Variants in CCDC91 observed in about 807,000 individuals in gnomAD.
The protein encoded by CCDC91 is coiled-coil domain-containing protein 91.
In CCDC91, 48 loss-of-function variants were observed where a neutral mutation model predicts 63.2. The ratio of observed to expected loss-of-function variants is 0.76; its 90% CI spans 0.60 to 0.97. CCDC91 has a LOEUF of 0.97. Among genes scored for constraint, CCDC91 ranks in the 50% least tolerant of loss-of-function variants. The pLI is 0.00. For missense variants in CCDC91, 500 were observed against 494.6 expected, an observed-to-expected ratio of 1.01 and a Z score of -0.10; for synonymous variants, 167 against 165.8, an observed-to-expected ratio of 1.01 and a Z score of -0.06.
intron 12 of CCDC91, among the ~76,000 whole-genome samples, chr12:28,492,858 T>C (rs1022746195): frequency 5.9e-5 from 9 of 151,642 alleles, no homozygotes; most frequent in Non-Finnish European, 1.2e-4. Context: ...ATTAAAGATA[T>C]AACCTTGAAA....
intron 11 of CCDC91, among the ~76,000 whole-genome samples, chr12:28,459,695 G>T (rs1356281226): frequency 3.3e-5 from 5 of 152,078 alleles, no homozygotes; most frequent in African/African-American, 1.2e-4. Flanking sequence ...TACTTTGAAC[G>T]ACTAGTATAT....
At chr12:28,412,850 T>C (rs1294267595) in intron 8 of CCDC91, 6 of 446,664 alleles carry the variant, frequency 1.3e-5, no homozygotes, top group Admixed American at 2.4e-5. Context: ...TTTACAATCC[T>C]CTTGTAAGAC....
chr12:28,233,297 T>C (rs567266285), intron 1 of CCDC91, among the ~76,000 whole-genome samples: 2 of 152,280 alleles, frequency 1.3e-5, no homozygotes, highest in South Asian at 2.1e-4. Context: ...CTGTTACATA[T>C]ATTAGTTTTG....
chr12:28,452,321 T>C (rs1206068975), intron 10 of CCDC91, among the ~76,000 whole-genome samples, 157 bp from the exon 11 acceptor site: 2 of 151,708 alleles, frequency 1.3e-5, no homozygotes, highest in African/African-American at 4.8e-5. Context: ...TAATAGATTT[T>C]ATTTTGTAGC....
At chr12:28,252,578 T>A (rs1214499860) in intron 1 of CCDC91, among the ~76,000 whole-genome samples, 1 of 152,086 alleles carries the variant, frequency 6.6e-6, no homozygotes, top group Non-Finnish European at 1.5e-5. Flanking sequence ...TGTTGTTTAC[T>A]CCTTTCTTGA....
At chr12:28,309,125 G>C (rs183413557) in intron 6 of CCDC91, among the ~76,000 whole-genome samples, 2 of 152,140 alleles carry the variant, frequency 1.3e-5, no homozygotes, top group Non-Finnish European at 2.9e-5. Context: ...TGCCTGGAAT[G>C]CTGTTCCTCC....
chr12:28,208,001 C>A (rs1280874209), intron 1 of CCDC91, among the ~76,000 whole-genome samples: 7 of 152,098 alleles, frequency 4.6e-5, no homozygotes, highest in Admixed American at 2.0e-4. Flanking sequence ...CAAAGTATTT[C>A]CTTGGTATTT....
At chr12:28,494,378 AC>A (rs1415653195) in intron 12 of CCDC91, among the ~76,000 whole-genome samples, 1 of 151,716 alleles carries the variant, frequency 6.6e-6, no homozygotes, top group Non-Finnish European at 1.5e-5. Context: ...AAAGAGTTCC[AC>A]CTAGCAATGT....
chr12:28,270,116 C>A (rs1405097785), intron 3 of CCDC91, among the ~76,000 whole-genome samples: 1 of 151,458 alleles, frequency 6.6e-6, no homozygotes, highest in Non-Finnish European at 1.5e-5. Context: ...GGAAAATCTT[C>A]TAGATTTGTT....
chr12:28,445,275 G>T (rs1949438793), intron 8 of CCDC91, among the ~76,000 whole-genome samples: 1 of 152,036 alleles, frequency 6.6e-6, no homozygotes, highest in Admixed American at 6.5e-5. Flanking sequence ...GCTGGATTTG[G>T]TGAATTAAAA....
At chr12:28,258,096 A>C (rs1946567275) in intron 2 of CCDC91, among the ~76,000 whole-genome samples, 1 of 151,968 alleles carries the variant, frequency 6.6e-6, no homozygotes, top group Non-Finnish European at 1.5e-5. Flanking sequence ...TTTTGTTAGG[A>C]TCTTCTTCTC....
chr12:28,500,061 A>C (rs993863042), intron 12 of CCDC91, among the ~76,000 whole-genome samples: 1 of 152,056 alleles, frequency 6.6e-6, no homozygotes, highest in Non-Finnish European at 1.5e-5. Flanking sequence ...ATGGTATCTC[A>C]TTGTGGTTTT....
Position 28,484,131 on chromosome 12 carries a change from A to T in CCDC91, c.1181A>T (p.Asp394Val), listed in dbSNP as rs764100361. 2.3e-5 allele frequency: 37 copies of T among 1,609,746 alleles called. No individual in the cohort carries two copies. The highest frequency in any genetic ancestry group is 1.0e-4 in the Admixed American group (6 of 59,648). ...AVEEAVKRTRDELIEYIKEQK... is the reference protein window; with the variant it reads ...AVEEAVKRTRVELIEYIKEQK... ...GAAGAGGCAGTGAAAAGAACAAGAG[A>T]TGAATTGATAGAGTATATAAAAGAA... Residue 394 changes from aspartate (D) to valine (V), a missense_variant, in exon 12 of 13, where the codon GAT becomes GTT. By Grantham distance (152) the Asp-to-Val change is radical. Coordinates refer to ENST00000536442, the MANE Select transcript of CCDC91 (RefSeq NM_018318.5).
chr12:28,426,348 ATGTT>A (rs1948315997), intron 8 of CCDC91, among the ~76,000 whole-genome samples: 1 of 152,092 alleles, frequency 6.6e-6, no homozygotes, highest in African/African-American at 2.4e-5. Context: ...CTGTGGTTCA[ATGTT>A]TGTCATTAAT....
intron 6 of CCDC91, among the ~76,000 whole-genome samples, chr12:28,332,665 C>G (rs1941606142): frequency 6.6e-6 from 1 of 152,160 alleles, no homozygotes; most frequent in African/African-American, 2.4e-5. Context: ...GTTTAATGCT[C>G]TGCTCATCCC....
chr12:28,197,760 A>G (rs1415451433), intron 1 of CCDC91, among the ~76,000 whole-genome samples: 1 of 152,116 alleles, frequency 6.6e-6, no homozygotes, highest in African/African-American at 2.4e-5. Context: ...TTAGCATGAG[A>G]TGTTATCAGT....
At chr12:28,339,755 G>C (rs1383849117) in intron 6 of CCDC91, among the ~76,000 whole-genome samples, 1 of 152,096 alleles carries the variant, frequency 6.6e-6, no homozygotes, top group Admixed American at 6.6e-5. Flanking sequence ...AGACAACTCT[G>C]GAGAAATTTG....
At chr12:28,403,040 A>G (rs547470389) in intron 8 of CCDC91, among the ~76,000 whole-genome samples, 2 of 152,284 alleles carry the variant, frequency 1.3e-5, no homozygotes, top group South Asian at 2.1e-4. Context: ...GCTGGATTCA[A>G]TTTGTTAATA....
At chr12:28,229,439 C>T (rs1944459309) in intron 1 of CCDC91, among the ~76,000 whole-genome samples, 1 of 152,088 alleles carries the variant, frequency 6.6e-6, no homozygotes, top group East Asian at 1.9e-4. Flanking sequence ...AGTGATGTGA[C>T]AGTAATTAAG....
Sources: allele counts gnomAD v4.1 joint callset (sites outside exome capture counted in the v4.1 genomes callset), GRCh38; gene constraint gnomAD v4.1.1; transcripts MANE v1.5; gene names NCBI Gene and HGNC (gene_info 2026-07-23, HGNC 2026-07-21).